The following PWWP3A variants were observed in gnomAD, a reference collection of about 807,000 sequenced individuals.
The protein encoded by PWWP3A is PWWP domain containing 3A, DNA repair factor, also known as PWWP domain-containing DNA repair factor 3A.
PWWP3A carries 53 observed loss-of-function variants against 79.0 expected under a neutral mutation model. That is an observed-to-expected ratio of 0.67 (90% CI 0.54 to 0.84). The LOEUF (loss-of-function observed/expected upper bound fraction) is 0.84, where lower values mean the gene tolerates loss of function less well. Among genes scored for constraint, PWWP3A ranks in the 40% least tolerant of loss-of-function variants. The probability of loss-of-function intolerance (pLI) is 0.00; values close to 1 mark genes in which losing one functional copy is unlikely to be tolerated. For missense variants in PWWP3A, 973 were observed against 948.0 expected (o/e 1.03, Z -0.35); for synonymous variants, 443 against 394.4 (o/e 1.12, Z -1.46).
intron 1 of PWWP3A, 151 bp from the exon 2 acceptor site, chr19:1,356,173 G>C (rs1267891835): frequency 3.1e-5 from 17 of 552,150 alleles, no homozygotes. Flanking sequence ...TTGTCAGTCT[G>C]CTTTTTGGCA....
intron 11 of PWWP3A, 138 bp from the exon 12 acceptor site, chr19:1,370,504 T>C (rs1001518410): frequency 1.9e-5 from 14 of 738,900 alleles, no homozygotes; most frequent in Non-Finnish European, 2.5e-5. Context: ...AATGCTCCAC[T>C]CCCGTGCTAA....
In PWWP3A at chr19:1,360,878, G is replaced by A. The variant is rs1341586417; in HGVS notation, c.957G>A (p.Met319Ile). 1 of 1,545,998 alleles carries A rather than the reference G, an allele frequency of 6.5e-7. No individual in the cohort carries two copies. The highest frequency in any genetic ancestry group is 8.7e-7 in the Non-Finnish European group (1 of 1,145,604). Reference protein sequence around the residue: ...QRPPAVQLEPMAAGAAPSPGP... With the variant: ...QRPPAVQLEPIAAGAAPSPGP... ...CGCCTGCCGTGCAGCTGGAGCCCAT[G>A]GCAGCAGGGGCCGCACCATCCCCCG... Residue 319 changes from methionine to isoleucine, a missense_variant, in exon 5 of 14, where the codon ATG (methionine) becomes ATA (isoleucine). Met to Ile is a conservative substitution (Grantham distance 10). Transcript: ENST00000591337. The surrounding 1 kb of genome is among the most constrained non-coding windows in gnomAD (Gnocchi z 4.4).
chr19:1,364,441 C>T (rs953718057), intron 6 of PWWP3A, 68 bp from the exon 7 acceptor site: 2 of 1,202,714 alleles, frequency 1.7e-6, no homozygotes, highest in East Asian at 4.7e-5. Context: ...GCTGTTACAC[C>T]TGGTGCTTGA....
At position 1,377,584 on chromosome 19, in the gene PWWP3A, T is replaced by C. The variant is rs962184100; in HGVS notation, c.*1008T>C. On this transcript the variant is annotated 3_prime_UTR_variant, in exon 14 of 14. Transcript: ENST00000591337. ...GCACGGTGCCGGGGCTGCAGGTTGT[T>C]GAGGGCTGTGACTCCGTGGGGCTCA... 3 of 152,488 alleles carry C rather than the reference T, an allele frequency of 2.0e-5. No individual in the cohort carries two copies. The highest frequency in any genetic ancestry group is 7.2e-5 in the African/African-American group (3 of 41,584). 9.4% of individuals were successfully genotyped at this position (152,488 alleles called of 1,614,324 possible). A position where few individuals can be genotyped will look rare whatever the true frequency, so the allele number is the denominator to read the frequency against.
At chr19:1,358,168 C>A in intron 3 of PWWP3A, 1 of 481,954 alleles carries the variant, frequency 2.1e-6, no homozygotes, top group Non-Finnish European at 3.6e-6. Flanking sequence ...TAAATCCAGC[C>A]AACCTTTTCT....
At chr19:1,358,500 A>C in intron 4 of PWWP3A, 36 bp downstream of exon 4, 1 of 1,610,914 alleles carries the variant, frequency 6.2e-7, no homozygotes, top group Middle Eastern at 1.6e-4. Context: ...CTAGGTTTTC[A>C]TAAAATAAGA....
Position 1,370,735 on chromosome 19 carries a change from GC to G in PWWP3A, c.1648del (p.Leu550TrpfsTer31), listed in dbSNP as rs1568953545. 2.7e-6 allele frequency: 4 copies of G among 1,478,218 alleles called. No individual in the cohort carries two copies. The highest frequency in any genetic ancestry group is 1.8e-6 in the Non-Finnish European group (2 of 1,111,710). 91.6% of individuals were successfully genotyped at this position (1,478,218 alleles called of 1,614,324 possible). On this transcript the variant is annotated frameshift_variant, in exon 12 of 14. Transcript: ENST00000591337. LOFTEE classifies it high-confidence loss of function. ...AGCCCCGAGGAGCCCGTGGTGGGGTGCCCCCTGGGGCAGAGGCAGCCCTGCC... is the reference window on the plus strand; with the variant it reads ...AGCCCCGAGGAGCCCGTGGTGGGGTGCCCCTGGGGCAGAGGCAGCCCTGCC... ...KGSPEEPVVG[C>X]PLGQRQPCRK...
rs2082128013 is a variant in PWWP3A at position 1,366,351 on chromosome 19, T to A, written c.1331T>A (p.Ile444Asn). Residue 444 changes from isoleucine (I) to asparagine (N), a missense_variant, in exon 8 of 14, where the codon ATC becomes AAC. Transcript: ENST00000591337. ...QRDKKASVLYIEGHMNPKMKG... is the reference protein window; with the variant it reads ...QRDKKASVLYNEGHMNPKMKG... ...GATAAGAAAGCAAGTGTGCTATACA[T>A]CGAAGGACACATGAACCCGAAAATG... The A allele has an allele frequency of 1.2e-6, 2 of 1,614,220 alleles. No homozygotes were observed. The highest frequency in any genetic ancestry group is 1.7e-6 in the Non-Finnish European group (2 of 1,180,042).
chr19:1,375,699 TTAATATA>T (rs936058732), intron 13 of PWWP3A, among the ~76,000 whole-genome samples: 1 of 115,994 alleles, frequency 8.6e-6, no homozygotes, highest in Non-Finnish European at 1.8e-5. Context: ...ATAAAACAAT[TTAATATA>T]TAATATATAT....
intron 8 of PWWP3A, among the ~76,000 whole-genome samples, chr19:1,366,949 C>G (rs7253125): frequency 6.6e-6 from 1 of 152,194 alleles, no homozygotes; most frequent in Non-Finnish European, 1.5e-5. Flanking sequence ...CCTGTCCTGG[C>G]GGGGCCCAGT....
chr19:1,375,406 A>G (rs1196545794), intron 13 of PWWP3A, among the ~76,000 whole-genome samples: 1 of 121,382 alleles, frequency 8.2e-6, no homozygotes, highest in Non-Finnish European at 1.7e-5. Flanking sequence ...ATATATATAT[A>G]ATATATATTA....
At chr19:1,361,886 C>G in intron 5 of PWWP3A, 1 of 219,034 alleles carries the variant, frequency 4.6e-6, no homozygotes, top group Non-Finnish European at 9.3e-6. Context: ...GTCCTGGCCC[C>G]CTCCCTGCAT....
In PWWP3A at chr19:1,360,752, G is replaced by T. The variant is rs1482996296; in HGVS notation, c.831G>T (p.Leu277Phe). 3.7e-6 allele frequency: 6 copies of T among 1,612,318 alleles called. No individual in the cohort carries two copies. In the Admixed American group the frequency reaches 5.0e-5, roughly 13 times the overall value. ...AGGGACACGACCCCGGTCTGCCGTT[G>T]GGCAGCCTCACTGCGCCCCCAGCCC... is the stretch of plus-strand genomic sequence containing the variant. ...NAEGHDPGLP[L>F]GSLTAPPAPE... Residue 277 changes from leucine to phenylalanine, a missense_variant, in exon 5 of 14, where the codon TTG (leucine) becomes TTT (phenylalanine). Transcript: ENST00000591337. The surrounding 1 kb of genome is among the most constrained non-coding windows in gnomAD (Gnocchi z 4.4).
intron 6 of PWWP3A, chr19:1,364,049 G>T: frequency 9.5e-6 from 4 of 420,656 alleles, no homozygotes; most frequent in South Asian, 3.5e-5. Context: ...TCCCATTTTT[G>T]ACTGTAGTTT....
chr19:1,361,482 T>A (rs1353607479), intron 5 of PWWP3A, among the ~76,000 whole-genome samples: 10 of 152,234 alleles, frequency 6.6e-5, no homozygotes, highest in Admixed American at 6.5e-4. Flanking sequence ...TGTGCAGATA[T>A]ATTTTTGTGT....
chr19:1,371,081 G>A lies in PWWP3A; in HGVS notation c.1986+3G>A. 2.6e-6 allele frequency: 4 copies of A among 1,557,692 alleles called. No individual in the cohort carries two copies. The highest frequency in any genetic ancestry group is 2.6e-6 in the Non-Finnish European group (3 of 1,150,308). ...TTCTGGACGTGCTTCTGCCCGAGGT[G>A]AGCCGCGGACCGGCGTGTCACGTGG... is the stretch of plus-strand genomic sequence containing the variant. On this transcript the variant is annotated splice_donor_region_variant and intron_variant, in intron 12 of 13. Coordinates refer to ENST00000591337, the MANE Select transcript of PWWP3A (RefSeq NM_001369789.1).
intron 13 of PWWP3A, among the ~76,000 whole-genome samples, chr19:1,374,990 G>T (rs1338022491): frequency 6.6e-6 from 1 of 151,930 alleles, no homozygotes; most frequent in African/African-American, 2.4e-5. Flanking sequence ...GGAGGCCGAG[G>T]CAGGTGGATC....
rs1351633362 is a variant in PWWP3A at position 1,362,370 on chromosome 19, G to T, written c.1213+19G>T. On this transcript the variant is annotated intron_variant, in intron 6 of 13. Transcript: ENST00000591337. ...TACCACGGTAAGAAATGATCAGGGG[G>T]CGCCGGCAGTCCTAACGGTGCGCTC... 1 of 1,604,594 alleles carries T rather than the reference G, an allele frequency of 6.2e-7. No homozygotes were observed. Among genetic ancestry groups the T allele is most frequent in the Middle Eastern group, 1.8e-4 (1 of 5,648 alleles).
Position 1,360,193 on chromosome 19 carries a change from T to G in PWWP3A, c.272T>G (p.Leu91Arg). The G allele has an allele frequency of 6.2e-7, 1 of 1,606,422 alleles. No individual in the cohort carries two copies. The highest frequency in any genetic ancestry group is 8.5e-7 in the Non-Finnish European group (1 of 1,176,720). ...PLEELAYRRS[L>R]RVALDVLSEG... ...GAAGAACTGGCCTACAGACGGTCGC[T>G]TCGCGTGGCTCTGGACGTTCTGAGC... Residue 91 changes from leucine (L) to arginine (R), a missense_variant, in exon 5 of 14, where the codon CTT becomes CGT. Coordinates refer to ENST00000591337, the MANE Select transcript of PWWP3A (RefSeq NM_001369789.1). This position sits in a 1 kb window ranked among gnomAD's most constrained non-coding sequence, Gnocchi z 4.4.
Sources: gnomAD v4.1 joint callset for allele counts (sites outside exome capture counted in the v4.1 genomes callset) on GRCh38, gnomAD v4.1.1 for gene constraint, Gnocchi (gnomAD v3.1) non-coding constraint, MANE v1.5 for transcripts, NCBI Gene and HGNC (gene_info 2026-07-23, HGNC 2026-07-21) for gene names.